Variants in DPYSL3 observed in about 807,000 individuals in gnomAD.
DPYSL3 encodes dihydropyrimidinase-related protein 3.
In DPYSL3, 16 loss-of-function variants were observed where a neutral mutation model predicts 66.1. The observed-to-expected ratio is 0.24, with a 90% CI of 0.16 to 0.37. The LOEUF is 0.37. Among genes scored for constraint, DPYSL3 ranks in the 10% least tolerant of loss-of-function variants. The pLI is 1.00. For synonymous variants in DPYSL3, 338 were observed against 345.1 expected (o/e 0.98, Z 0.23); for missense variants, 738 against 916.2 (o/e 0.81, Z 2.51).
intron 1 of DPYSL3, among the ~76,000 whole-genome samples, chr5:147,479,590 T>A (rs527292443): frequency 1.8e-4 from 27 of 152,272 alleles, no homozygotes; most frequent in Admixed American, 1.6e-3. Context: ...ACAGAGCCAA[T>A]CTAAGACAGG....
At chr5:147,434,417 G>A (rs944132185) in intron 1 of DPYSL3, among the ~76,000 whole-genome samples, 3 of 152,184 alleles carry the variant, frequency 2.0e-5, no homozygotes, top group African/African-American at 7.2e-5. Context: ...CTAGAGAAGT[G>A]ACATCCAGCT....
chr5:147,469,905 T>G (rs1204887033), intron 1 of DPYSL3, among the ~76,000 whole-genome samples: 1 of 152,190 alleles, frequency 6.6e-6, no homozygotes. Context: ...ACCATCTTGA[T>G]CCTTCAGGAA....
At chr5:147,433,569 T>A (rs1490358810) in intron 1 of DPYSL3, among the ~76,000 whole-genome samples, 1 of 152,234 alleles carries the variant, frequency 6.6e-6, no homozygotes, top group Non-Finnish European at 1.5e-5. Flanking sequence ...TAAGTTATTC[T>A]GTGATTTTTA....
rs144401974 is a variant in DPYSL3 at position 147,430,224 on chromosome 5, G to A, written c.382-5261C>T. 2.2e-4 allele frequency among the ~76,000 whole-genome samples: 34 copies of A among 152,280 alleles called. 1 individual carries two copies. The highest frequency in any genetic ancestry group is 1.9e-3 in the East Asian group (10 of 5,176). ...AAAAAGAAGGATGGGGGCCAGGTGT[G>A]GCGGCTCACGCCTGTAATCCCAGCA... On this transcript the variant is annotated intron_variant, in intron 1 of 13. Coordinates refer to ENST00000343218, the MANE Select transcript of DPYSL3 (RefSeq NM_001197294.2).
At chr5:147,400,948 G>C (rs2152017014) in intron 9 of DPYSL3, 115 bp from the exon 10 acceptor site, 1 of 1,342,898 alleles carries the variant, frequency 7.4e-7, no homozygotes, top group Non-Finnish European at 1.0e-6. Flanking sequence ...GGTTTGGAAT[G>C]CCTCCTCTAC....
intron 1 of DPYSL3, chr5:147,453,829 C>T: frequency 9.4e-7 from 1 of 1,066,426 alleles, no homozygotes; most frequent in Non-Finnish European, 1.2e-6. Context: ...CCTCCACCCG[C>T]GTTCACGCCC....
rs1446782358 is a variant in DPYSL3, at chr5:147,393,807, G to A, written c.*228C>T. 7.3e-6 allele frequency: 4 copies of A among 547,896 alleles called. No individual in the cohort carries two copies. The South Asian group carries it at 8.6e-5, about 12-fold the overall frequency. 33.9% of individuals were successfully genotyped at this position (547,896 alleles called of 1,614,324 possible). On this transcript the variant is annotated 3_prime_UTR_variant, in exon 14 of 14. Coordinates refer to ENST00000343218, the MANE Select transcript of DPYSL3 (RefSeq NM_001197294.2). ...CCTGTCTGATTGCATGCATGTAAATGGGGGGAGGGGAGTCAAACAAATCAA... is the reference window on the plus strand; with the variant it reads ...CCTGTCTGATTGCATGCATGTAAATAGGGGGAGGGGAGTCAAACAAATCAA...
chr5:147,462,199 A>T (rs898787542), intron 1 of DPYSL3, among the ~76,000 whole-genome samples: 2 of 152,260 alleles, frequency 1.3e-5, no homozygotes, highest in Non-Finnish European at 2.9e-5. Context: ...TGACCTAGCA[A>T]ATGAGTGCTG....
intron 10 of DPYSL3, among the ~76,000 whole-genome samples, chr5:147,399,941 T>C (rs1033208413): frequency 1.3e-5 from 2 of 152,188 alleles, no homozygotes; most frequent in African/African-American, 4.8e-5. Flanking sequence ...ACGGAAAGAA[T>C]TGAGTTTAAA....
chr5:147,485,051 G>C lies in DPYSL3; in HGVS notation c.381+24427C>G, dbSNP rs181976986. Among the ~76,000 whole-genome samples the C allele has an allele frequency of 2.9e-4, 44 of 152,100 alleles. 1 individual carries two copies. Among genetic ancestry groups the C allele is most frequent in the South Asian group, 1.7e-3 (8 of 4,804 alleles). On this transcript the variant is annotated intron_variant, in intron 1 of 13. Coordinates refer to ENST00000343218, the MANE Select transcript of DPYSL3 (RefSeq NM_001197294.2). ...TAGTCTCTTTTTTCAACTATGTTTT[G>C]AGGTTGATTTAGGCAAGATCTCTTT... is the stretch of plus-strand genomic sequence containing the variant.
At position 147,393,460 on chromosome 5, in the gene DPYSL3, C is replaced by T. The variant is rs927499608; in HGVS notation, c.*575G>A. The T allele has an allele frequency of 1.3e-5, 2 of 152,716 alleles. No individual in the cohort carries two copies. Among genetic ancestry groups the T allele is most frequent in the African/African-American group, 2.4e-5 (1 of 41,442 alleles). 9.5% of individuals were successfully genotyped at this position (152,716 alleles called of 1,614,324 possible). ...AGAACAGAACCCAAAGACTGCCTGCCTTCTCGGCAGACCCTAGGGAGCTGT... is the reference window on the plus strand; with the variant it reads ...AGAACAGAACCCAAAGACTGCCTGCTTTCTCGGCAGACCCTAGGGAGCTGT... On this transcript the variant is annotated 3_prime_UTR_variant, in exon 14 of 14. Coordinates refer to ENST00000343218, the MANE Select transcript of DPYSL3 (RefSeq NM_001197294.2).
At chr5:147,471,919 G>T (rs546958006) in intron 1 of DPYSL3, among the ~76,000 whole-genome samples, 1 of 152,110 alleles carries the variant, frequency 6.6e-6, no homozygotes, top group East Asian at 1.9e-4. Flanking sequence ...CATCTCTCCC[G>T]CTCTCTCTTT....
intron 6 of DPYSL3, among the ~76,000 whole-genome samples, chr5:147,409,747 C>T (rs962138916): frequency 1.3e-5 from 2 of 152,180 alleles, no homozygotes; most frequent in Non-Finnish European, 2.9e-5. Context: ...AACCTCTGCA[C>T]CAGCAGTCCT....
At chr5:147,487,081 C>T (rs1246872781) in intron 1 of DPYSL3, among the ~76,000 whole-genome samples, 1 of 152,122 alleles carries the variant, frequency 6.6e-6, no homozygotes, top group Non-Finnish European at 1.5e-5. Context: ...CAGCTTCAGG[C>T]TGTTTGCTAC....
chr5:147,508,695 C>T (rs908175660), intron 1 of DPYSL3, among the ~76,000 whole-genome samples: 3 of 152,190 alleles, frequency 2.0e-5, no homozygotes, highest in Non-Finnish European at 4.4e-5. Flanking sequence ...AAGAAATTGG[C>T]TTTGGCACAT....
chr5:147,412,524 T>A, intron 6 of DPYSL3, 84 bp downstream of exon 6: 1 of 1,364,552 alleles, frequency 7.3e-7, no homozygotes, highest in South Asian at 1.2e-5. Flanking sequence ...TTGCACATAT[T>A]GAGAGCTCAA....
chr5:147,403,852 G>A (rs372845584), intron 8 of DPYSL3, among the ~76,000 whole-genome samples: 1 of 152,052 alleles, frequency 6.6e-6, no homozygotes, highest in Admixed American at 6.6e-5. Context: ...ATTCCACCCC[G>A]GAGACACAGC....
At chr5:147,440,624 G>A (rs931382343) in intron 1 of DPYSL3, among the ~76,000 whole-genome samples, 7 of 152,180 alleles carry the variant, frequency 4.6e-5, no homozygotes, top group Non-Finnish European at 7.3e-5. Context: ...CAGCCATGGG[G>A]AAGACTGTAC....
At chr5:147,473,976 T>C (rs1276250971) in intron 1 of DPYSL3, among the ~76,000 whole-genome samples, 1 of 152,146 alleles carries the variant, frequency 6.6e-6, no homozygotes, top group Non-Finnish European at 1.5e-5. Flanking sequence ...TTTTATCAAT[T>C]ATTTTCATAG....
Sources: gnomAD v4.1 joint callset for allele counts (sites outside exome capture counted in the v4.1 genomes callset) on GRCh38, gnomAD v4.1.1 for gene constraint, MANE v1.5 for transcripts, NCBI Gene and HGNC (gene_info 2026-07-23, HGNC 2026-07-21) for gene names.